CHD5: variants seen among roughly 807,000 people sequenced by gnomAD.
CHD5 encodes the protein ATP-dependent chromatin remodeler CHD5.
Under a neutral mutation model 230.3 loss-of-function variants are expected in CHD5, and 69 were observed. The ratio of observed to expected loss-of-function variants is 0.30; its 90% CI spans 0.25 to 0.37. The LOEUF (loss-of-function observed/expected upper bound fraction) is 0.37. Ranked by LOEUF, CHD5 falls within the 10% of genes least tolerant of loss-of-function variation. The pLI, the probability that CHD5 is intolerant of heterozygous loss-of-function variation, is 1.00. For synonymous variants in CHD5, 1,064 were observed against 1,065.9 expected (o/e 1.00, Z 0.03); for missense variants, 1,827 against 2,622.8 (o/e 0.70, Z 6.63).
rs908661461 is a variant in CHD5, at chr1:6,162,220, G to GA, written c.208-2706dup. The stretch of plus-strand genomic sequence containing the variant: ...AACTTGGAGAAACACTTTCTCTACT[G>GA]AAAAAAAAATACAAAATTAGCTGGG... On this transcript the variant is annotated intron_variant, in intron 2 of 41. Coordinates refer to ENST00000262450, the MANE Select transcript of CHD5 (RefSeq NM_015557.3). Among the ~76,000 whole-genome samples the GA allele has an allele frequency of 2.3e-4, 35 of 150,202 alleles. No homozygotes were observed. The South Asian group carries it at 3.4e-3, about 14-fold the overall frequency.
At chr1:6,112,491 G>A (rs911590125) in intron 34 of CHD5, among the ~76,000 whole-genome samples, 13 of 152,258 alleles carry the variant, frequency 8.5e-5, no homozygotes, top group Admixed American at 5.2e-4. Context: ...GCTCCTCCCC[G>A]ACCACATCAG....
intron 1 of CHD5, among the ~76,000 whole-genome samples, chr1:6,176,284 G>A (rs1667425658): frequency 2.6e-5 from 4 of 152,146 alleles, no homozygotes; most frequent in Admixed American, 2.6e-4. Context: ...CTGGCCCCTG[G>A]ACCTGAGGAA....
At position 6,106,704 on chromosome 1, in the gene CHD5, A is replaced by G; in HGVS notation, c.5654T>C (p.Ile1885Thr). The G allele has an allele frequency of 6.2e-7, 1 of 1,611,670 alleles. No individual in the cohort carries two copies. Among genetic ancestry groups the G allele is most frequent in the Non-Finnish European group, 8.5e-7 (1 of 1,179,704 alleles). ...CTGCAGCCGGGCGGCCACCGGGGGG[A>G]TGCGGGACAGCATGGATGGCAGCCG... The part of the protein sequence containing the change: ...VTRLPSMLSR[I>T]PPVAARLQMS... Residue 1885 changes from isoleucine (I) to threonine (T), a missense_variant, in exon 39 of 42, where the codon ATC (isoleucine) becomes ACC (threonine). Around this residue, in one of 14 missense-constraint regions of CHD5, gnomAD observed 208 missense variants for 302.0 expected, o/e 0.69. Transcript: ENST00000262450.
Position 6,124,669 on chromosome 1 carries a change from G to GC in CHD5, c.4395-9_4395-8insG. ...AAGAGGGACACATAGGCTCTGGGGT[G>GC]GGGGGGGGGGACTGGGGCTCAGGGA... On this transcript the variant is annotated splice_polypyrimidine_tract_variant and intron_variant, in intron 29 of 41. Transcript: ENST00000262450. The GC allele has an allele frequency of 7.5e-6, 5 of 666,302 alleles. No individual in the cohort carries two copies. The South Asian group carries it at 1.2e-4, about 17-fold the overall frequency. 41.3% of individuals were successfully genotyped at this position (666,302 alleles called of 1,614,324 possible).
At chr1:6,127,973 CG>C (rs1346573787) in intron 25 of CHD5, 72 bp downstream of exon 25, 2 of 1,155,822 alleles carry the variant, frequency 1.7e-6, no homozygotes, top group East Asian at 3.2e-5. Flanking sequence ...CAGTGGAAGG[CG>C]TGGACACAGT....
intron 33 of CHD5, 69 bp from the exon 34 acceptor site, chr1:6,113,067 GC>G: frequency 9.4e-7 from 1 of 1,064,614 alleles, no homozygotes; most frequent in South Asian, 1.3e-5. Context: ...TGGGCTCGTG[GC>G]TTTCCACCCA....
intron 13 of CHD5, 100 bp downstream of exon 13, chr1:6,143,712 TGAGGGCCCAAG>T: frequency 1.0e-6 from 1 of 968,356 alleles, no homozygotes; most frequent in Non-Finnish European, 1.6e-6. Context: ...GCATAAGCCA[TGAGGGCCCAAG>T]GAAACATCCT....
chr1:6,159,934 G>C lies in CHD5; in HGVS notation c.208-419C>G, dbSNP rs192836790. 1.2e-4 allele frequency among the ~76,000 whole-genome samples: 18 copies of C among 152,386 alleles called. No individual in the cohort carries two copies. In the East Asian group the frequency reaches 2.7e-3, roughly 23 times the overall value. ...TACATGATGAGGCATGGACCCAGGA[G>C]CTGGCGGTGGAGGATGTGGTCCCAG... is the stretch of plus-strand genomic sequence containing the variant. On this transcript the variant is annotated intron_variant, in intron 2 of 41. Transcript: ENST00000262450.
chr1:6,113,118 G>T, intron 33 of CHD5, 120 bp from the exon 34 acceptor site: 1 of 715,986 alleles, frequency 1.4e-6, no homozygotes, highest in Non-Finnish European at 2.4e-6. Flanking sequence ...GAGTCCAACA[G>T]GTGCCACCAA....
At chr1:6,163,097 C>T (rs930801147) in intron 2 of CHD5, among the ~76,000 whole-genome samples, 12 of 152,216 alleles carry the variant, frequency 7.9e-5, no homozygotes, top group African/African-American at 1.9e-4. Flanking sequence ...GCTCGCCCAG[C>T]GTCCGCTCAG....
In CHD5 at chr1:6,112,895, G is replaced by C; in HGVS notation, c.5002+14C>G. The C allele has an allele frequency of 6.2e-7, 1 of 1,602,344 alleles. No individual in the cohort carries two copies. Among genetic ancestry groups the C allele is most frequent in the Non-Finnish European group, 8.5e-7 (1 of 1,169,990 alleles). ...CCATGGGGCACAGGTAGAGAACACAGAAGAGCCCCAGACCTGGCCTGAGTT... is the reference window on the plus strand; with the variant it reads ...CCATGGGGCACAGGTAGAGAACACACAAGAGCCCCAGACCTGGCCTGAGTT... On this transcript the variant is annotated intron_variant, in intron 34 of 41. Transcript: ENST00000262450.
At position 6,141,610 on chromosome 1, in the gene CHD5, A is replaced by AAAAT. The variant is rs963569609; in HGVS notation, c.2436+514_2436+517dup. On this transcript the variant is annotated intron_variant, in intron 15 of 41. Coordinates refer to ENST00000262450, the MANE Select transcript of CHD5 (RefSeq NM_015557.3). ...AGCCTGGGCGATACAGTGTCTCAAA[A>AAAAT]AAATAAATAAATAAATAAATAAAAT... 5.3e-5 allele frequency among the ~76,000 whole-genome samples: 8 copies of AAAAT among 152,216 alleles called. No homozygotes were observed. The South Asian group carries it at 6.2e-4, about 12-fold the overall frequency.
Position 6,148,991 on chromosome 1 carries a change from T to A in CHD5, c.1246A>T (p.Met416Leu). ...GGCEEEEDDHMEFCRVCKDGG... is the reference protein window; with the variant it reads ...GGCEEEEDDHLEFCRVCKDGG... ...TCCTTGCACACGCGGCAGAACTCCA[T>A]GTGGTCGTCCTCCTCCTCCTCGCAG... The change falls in exon 9 of 42, where the codon ATG (methionine) becomes TTG (leucine). Residue 416 changes from methionine to leucine, a missense_variant. Coordinates refer to ENST00000262450, the MANE Select transcript of CHD5 (RefSeq NM_015557.3). The A allele has an allele frequency of 4.4e-6, 7 of 1,608,062 alleles. No individual in the cohort carries two copies. Among genetic ancestry groups the A allele is most frequent in the Non-Finnish European group, 5.9e-6 (7 of 1,177,588 alleles).
intron 1 of CHD5, among the ~76,000 whole-genome samples, chr1:6,173,495 G>A (rs1046318004): frequency 2.3e-4 from 35 of 152,058 alleles, no homozygotes; most frequent in African/African-American, 8.5e-4. Context: ...GGGAGCAACA[G>A]GGGCAGCAGA....
At chr1:6,115,446 G>A (rs1218895997) in intron 33 of CHD5, among the ~76,000 whole-genome samples, 1 of 152,166 alleles carries the variant, frequency 6.6e-6, no homozygotes, top group East Asian at 1.9e-4. Context: ...CTTAAAACAG[G>A]GAGATGACCT....
In CHD5 at chr1:6,135,436, C is replaced by G. The variant is rs558617276; in HGVS notation, c.2697-33G>C. 1.9e-4 allele frequency: 294 copies of G among 1,573,200 alleles called. 4 individuals carry two copies. The South Asian group carries it at 3.3e-3, about 18-fold the overall frequency. On this transcript the variant is annotated intron_variant, in intron 17 of 41. Transcript: ENST00000262450. Reference sequence around the variant, plus strand: ...AAAAAGCTGGGATAACAGCCAGGAGCAGAGGACCGGGGCAGGGGAGGCAGG... The same window carrying G: ...AAAAAGCTGGGATAACAGCCAGGAGGAGAGGACCGGGGCAGGGGAGGCAGG...
intron 38 of CHD5, among the ~76,000 whole-genome samples, chr1:6,108,066 G>A (rs1262879131): frequency 1.4e-5 from 2 of 139,486 alleles, no homozygotes; most frequent in Non-Finnish European, 3.1e-5. Context: ...TGGAGGGATG[G>A]AGGGATGATG....
chr1:6,153,076 C>T (rs898526557), intron 5 of CHD5, among the ~76,000 whole-genome samples: 8 of 152,224 alleles, frequency 5.3e-5, no homozygotes, highest in Admixed American at 5.2e-4. Flanking sequence ...AATTAGCTAC[C>T]TGGGGAGTAA....
At position 6,148,838 on chromosome 1, in the gene CHD5, C is replaced by T. The variant is rs758404750; in HGVS notation, c.1383+16G>A. On this transcript the variant is annotated intron_variant, in intron 9 of 41. Transcript: ENST00000262450. ...GTGGGGCGGGGCGTCCGGCGCGGGG[C>T]GGGCGGAACACTCACAGTACAGCGC... 2 of 1,407,022 alleles carry T rather than the reference C, an allele frequency of 1.4e-6. No individual in the cohort carries two copies. Among genetic ancestry groups the T allele is most frequent in the East Asian group, 2.8e-5 (1 of 35,348 alleles). The allele number at this position is 1,407,022 out of a possible 1,614,324, so 87.2% of individuals were successfully genotyped here. A position where few individuals can be genotyped will look rare whatever the true frequency, so the allele number is the denominator to read the frequency against.
Sources: allele counts gnomAD v4.1 joint callset (sites outside exome capture counted in the v4.1 genomes callset), GRCh38; gene constraint gnomAD v4.1.1; regional missense constraint gnomAD v4.1.1; transcripts MANE v1.5; gene names NCBI Gene and HGNC (gene_info 2026-07-23, HGNC 2026-07-21).